Variants in NTNG1 observed in about 807,000 individuals in gnomAD.
NTNG1 encodes the protein netrin-G1.
A neutral mutation model predicts 54.0 loss-of-function variants in NTNG1; 16 were observed. The ratio of observed to expected loss-of-function variants is 0.30; its 90% CI spans 0.20 to 0.45. The LOEUF (loss-of-function observed/expected upper bound fraction) is 0.45. Among genes scored for constraint, NTNG1 ranks in the 20% least tolerant of loss-of-function variants. The probability of loss-of-function intolerance (pLI) is 1.00; values close to 1 mark genes in which losing one functional copy is unlikely to be tolerated. For synonymous variants in NTNG1, 255 were observed against 263.1 expected, an observed-to-expected ratio of 0.97 and a Z score of 0.30; for missense variants, 530 against 678.7, an observed-to-expected ratio of 0.78 and a Z score of 2.43.
intron 2 of NTNG1, among the ~76,000 whole-genome samples, chr1:107,209,152 A>C (rs1405150803): frequency 1.3e-5 from 2 of 151,538 alleles, no homozygotes; most frequent in African/African-American, 4.9e-5. Flanking sequence ...AATACCCCAT[A>C]GCATTTGAGT....
chr1:107,291,153 T>A (rs1250834572), intron 2 of NTNG1, among the ~76,000 whole-genome samples: 1 of 151,788 alleles, frequency 6.6e-6, no homozygotes, highest in Non-Finnish European at 1.5e-5. Context: ...CTCCTCAGCC[T>A]ACTCAGTGTG....
At chr1:107,419,138 C>T (rs904637098) in intron 5 of NTNG1, among the ~76,000 whole-genome samples, 1 of 151,538 alleles carries the variant, frequency 6.6e-6, no homozygotes, top group Non-Finnish European at 1.5e-5. Flanking sequence ...TGTCTCTTTC[C>T]CTTCCTCCTT....
chr1:107,376,280 C>T (rs554042994), intron 3 of NTNG1, among the ~76,000 whole-genome samples: 44 of 152,124 alleles, frequency 2.9e-4, no homozygotes, highest in Non-Finnish European at 5.6e-4. Flanking sequence ...CGGTGGCGGG[C>T]GCCTGTAGTC....
intron 2 of NTNG1, among the ~76,000 whole-genome samples, chr1:107,154,927 C>A (rs538024666): frequency 1.3e-5 from 2 of 152,118 alleles, no homozygotes; most frequent in South Asian, 4.2e-4. Flanking sequence ...TGCAGAGATG[C>A]AACATTTTTA....
At chr1:107,334,603 C>A (rs892773856) in intron 3 of NTNG1, among the ~76,000 whole-genome samples, 1 of 151,236 alleles carries the variant, frequency 6.6e-6, no homozygotes, top group Non-Finnish European at 1.5e-5. Context: ...AAAATCATTT[C>A]TTTTAGAACT....
rs1239057767 is a variant in NTNG1, at chr1:107,480,828, C to T, written c.1608C>T (p.Pro536=). 18 of 1,562,820 alleles carry T rather than the reference C, an allele frequency of 1.2e-5. No individual in the cohort carries two copies. Among genetic ancestry groups the T allele is most frequent in the East Asian group, 2.4e-5 (1 of 41,874 alleles). ...CCACGCTGCTGGGAACCGCCAGCCCCCTGGTGTTCTAGGTGTCACCTCCAG... is the reference window on the plus strand; with the variant it reads ...CCACGCTGCTGGGAACCGCCAGCCCTCTGGTGTTCTAGGTGTCACCTCCAG... ...LLTTLLGTAS[P]LVF The change falls in exon 8 of 8, where the codon CCC becomes CCT. Residue 536 remains proline, a synonymous_variant. Coordinates refer to ENST00000370068, the MANE Select transcript of NTNG1 (RefSeq NM_001113226.3).
At chr1:107,165,865 G>A (rs1043061153) in intron 2 of NTNG1, among the ~76,000 whole-genome samples, 4 of 152,168 alleles carry the variant, frequency 2.6e-5, no homozygotes, top group Admixed American at 2.0e-4. Flanking sequence ...TTTTGTGGGA[G>A]TATTTAGTGG....
chr1:107,395,106 C>G, intron 3 of NTNG1, 48 bp from the exon 4 acceptor site: 1 of 1,543,490 alleles, frequency 6.5e-7, no homozygotes, highest in East Asian at 2.3e-5. Flanking sequence ...CAGTGGTCAC[C>G]AAGACCAACT....
At chr1:107,261,808 A>C (rs1663361368) in intron 2 of NTNG1, among the ~76,000 whole-genome samples, 1 of 152,198 alleles carries the variant, frequency 6.6e-6, no homozygotes, top group South Asian at 2.1e-4. Flanking sequence ...GCACCACTGC[A>C]CTCCAGCCTG....
At chr1:107,455,948 A>G (rs961155716) in intron 7 of NTNG1, among the ~76,000 whole-genome samples, 4 of 152,190 alleles carry the variant, frequency 2.6e-5, no homozygotes, top group Non-Finnish European at 5.9e-5. Flanking sequence ...CATCCTAAAA[A>G]CAGGATCTTT....
At chr1:107,184,729 C>T (rs1657325157) in intron 2 of NTNG1, among the ~76,000 whole-genome samples, 2 of 152,128 alleles carry the variant, frequency 1.3e-5, no homozygotes, top group African/African-American at 4.8e-5. Context: ...TTTAAAAAGG[C>T]AGGTTCTTAA....
At chr1:107,311,852 C>T (rs1275214633) in intron 2 of NTNG1, among the ~76,000 whole-genome samples, 2 of 152,080 alleles carry the variant, frequency 1.3e-5, no homozygotes, top group Non-Finnish European at 2.9e-5. Flanking sequence ...TGCATATATA[C>T]ACACTCATAG....
intron 7 of NTNG1, among the ~76,000 whole-genome samples, chr1:107,455,398 T>G (rs1676889825): frequency 6.6e-6 from 1 of 152,244 alleles, no homozygotes; most frequent in Non-Finnish European, 1.5e-5. Context: ...AAAGTCATTA[T>G]GCACAGTGTT....
intron 2 of NTNG1, among the ~76,000 whole-genome samples, chr1:107,175,664 C>G (rs1656592883): frequency 6.6e-6 from 1 of 151,454 alleles, no homozygotes. Context: ...ATATGAAAAG[C>G]TATTATGCTA....
At chr1:107,459,423 G>C (rs1186981558) in intron 7 of NTNG1, among the ~76,000 whole-genome samples, 1 of 152,080 alleles carries the variant, frequency 6.6e-6, no homozygotes, top group African/African-American at 2.4e-5. Flanking sequence ...AGCTGTTGGA[G>C]AGTCTTTGAA....
intron 2 of NTNG1, among the ~76,000 whole-genome samples, chr1:107,258,287 G>GAA (rs575965395): frequency 6.4e-5 from 8 of 124,812 alleles, no homozygotes; most frequent in African/African-American, 2.1e-4. Context: ...TAGTGGTTGA[G>GAA]GAAAAAAAAA....
At chr1:107,269,937 G>C (rs1664032372) in intron 2 of NTNG1, among the ~76,000 whole-genome samples, 2 of 152,182 alleles carry the variant, frequency 1.3e-5, no homozygotes. Context: ...CAATTGTTTT[G>C]CTTTTAGCAT....
intron 3 of NTNG1, among the ~76,000 whole-genome samples, chr1:107,388,894 C>T (rs774830026): frequency 6.6e-6 from 1 of 152,206 alleles, no homozygotes; most frequent in Non-Finnish European, 1.5e-5. Flanking sequence ...TAATGTATCA[C>T]TCTTTTAAAA....
chr1:107,402,241 A>C (rs532954988), intron 4 of NTNG1, among the ~76,000 whole-genome samples: 1 of 152,264 alleles, frequency 6.6e-6, no homozygotes, highest in South Asian at 2.1e-4. Context: ...GGGATCAGGA[A>C]ATTTGAATGA....
Sources: gnomAD v4.1 joint callset for allele counts (sites outside exome capture counted in the v4.1 genomes callset) on GRCh38, gnomAD v4.1.1 for gene constraint, MANE v1.5 for transcripts, NCBI Gene and HGNC (gene_info 2026-07-23, HGNC 2026-07-21) for gene names.